SYBU: variants seen among roughly 807,000 people sequenced by gnomAD.
SYBU encodes GOLSYN A protein.
A neutral mutation model predicts 35.9 loss-of-function variants in SYBU; 21 were observed. That is an observed-to-expected ratio of 0.58 (90% CI 0.41 to 0.84). The LOEUF is 0.84. Among genes scored for constraint, SYBU ranks in the 40% least tolerant of loss-of-function variants. The pLI, the probability that SYBU is intolerant of heterozygous loss-of-function variation, is 0.00. For synonymous variants in SYBU, 319 were observed against 324.3 expected, an observed-to-expected ratio of 0.98 and a Z score of 0.18; for missense variants, 768 against 848.2, an observed-to-expected ratio of 0.91 and a Z score of 1.17.
chr8:109,674,494 G>C (rs918399225), intron 1 of SYBU, among the ~76,000 whole-genome samples: 11 of 152,118 alleles, frequency 7.2e-5, no homozygotes, highest in Non-Finnish European at 1.6e-4. Flanking sequence ...CTGAGATTTT[G>C]TCACCACCAG....
At chr8:109,639,883 TA>T (rs1245923150) in intron 2 of SYBU, among the ~76,000 whole-genome samples, 1 of 152,034 alleles carries the variant, frequency 6.6e-6, no homozygotes, top group Non-Finnish European at 1.5e-5. Flanking sequence ...ACCGGCCTCC[TA>T]AAGCATCATT....
chr8:109,650,030 C>A (rs1816055356), intron 1 of SYBU, among the ~76,000 whole-genome samples: 1 of 152,104 alleles, frequency 6.6e-6, no homozygotes, highest in African/African-American at 2.4e-5. Flanking sequence ...AATAGAGAAG[C>A]ACCTTCCTTC....
At chr8:109,606,311 A>G (rs1277478767) in intron 3 of SYBU, among the ~76,000 whole-genome samples, 1 of 152,232 alleles carries the variant, frequency 6.6e-6, no homozygotes, top group Non-Finnish European at 1.5e-5. Flanking sequence ...ATCACAATAC[A>G]ATAGAAGTTA....
chr8:109,580,462 AC>A, intron 4 of SYBU: 1 of 168,586 alleles, frequency 5.9e-6, no homozygotes, highest in Admixed American at 5.6e-5. Context: ...GGAAGGTGGT[AC>A]CCCATACAGG....
Position 109,575,131 on chromosome 8 carries a change from A to T in SYBU, c.1767T>A (p.Gly589=), listed in dbSNP as rs773983767. Reference sequence around the variant, plus strand: ...CGCCCCCGCGAGCCAGTGGGATGACACCATCCAACCTCTCTTCCACGCAGG... The same window carrying T: ...CGCCCCCGCGAGCCAGTGGGATGACTCCATCCAACCTCTCTTCCACGCAGG... ...FAACVEERLD[G]VIPLARGGVV... is the part of the protein sequence containing the mutation. Residue 589 remains glycine, a synonymous_variant, in exon 7 of 7, where the codon GGT becomes GGA. Coordinates refer to ENST00000276646, the MANE Select transcript of SYBU (RefSeq NM_001099754.2). The T allele has an allele frequency of 5.0e-6, 8 of 1,614,088 alleles. No individual in the cohort carries two copies. In the East Asian group the frequency reaches 1.8e-4, roughly 36 times the overall value.
Position 109,584,874 on chromosome 8 carries a change from G to T in SYBU, c.530+1186C>A, listed in dbSNP as rs1032644750. ...AGTCACACAGTACAACTGTCTTTTG[G>T]ATACCGTGGCCCAGGGGAATCAAGT... is the stretch of plus-strand genomic sequence containing the variant. On this transcript the variant is annotated intron_variant, in intron 4 of 6. Transcript: ENST00000276646. The surrounding 1 kb of genome is among the most constrained non-coding windows in gnomAD (Gnocchi z 4.0). Among the ~76,000 whole-genome samples, 11 of 152,036 alleles carry T rather than the reference G, an allele frequency of 7.2e-5. No individual in the cohort carries two copies. Among genetic ancestry groups the T allele is most frequent in the Admixed American group, 3.9e-4 (6 of 15,260 alleles).
At chr8:109,615,502 G>A (rs141980308) in intron 3 of SYBU, among the ~76,000 whole-genome samples, 197 of 152,170 alleles carry the variant, frequency 1.3e-3, no homozygotes, top group Non-Finnish European at 1.8e-3. Context: ...TATAGGTCAC[G>A]GTGCAGATTT....
At chr8:109,690,765 A>C (rs556720725) in intron 1 of SYBU, among the ~76,000 whole-genome samples, 27 of 152,318 alleles carry the variant, frequency 1.8e-4, no homozygotes, top group African/African-American at 6.5e-4. Flanking sequence ...TGAGCTCATC[A>C]ACGTAGCCCT....
At chr8:109,681,450 T>G (rs751362739), upstream of SYBU, among the ~76,000 whole-genome samples, 2 of 152,208 alleles carry the variant, frequency 1.3e-5, no homozygotes, top group African/African-American at 2.4e-5. Context: ...TTTCAAATTA[T>G]GTTTAATATT....
chr8:109,663,665 G>A (rs902813164), intron 1 of SYBU, among the ~76,000 whole-genome samples: 1 of 151,616 alleles, frequency 6.6e-6, no homozygotes, highest in African/African-American at 2.4e-5. Context: ...CTTACCCCTA[G>A]TACATTTTTT....
Position 109,575,316 on chromosome 8 carries a change from A to C in SYBU, c.1582T>G (p.Ser528Ala), listed in dbSNP as rs1372390593. 6.2e-7 allele frequency: 1 copy of C among 1,614,180 alleles called. No homozygotes were observed. Among genetic ancestry groups the C allele is most frequent in the East Asian group, 2.2e-5 (1 of 44,870 alleles). ...AGGGACTCTGGGAAGCTCTCCATCGAGTCTGGTTCAGACTCATCAGGGGAC... is the reference window on the plus strand; with the variant it reads ...AGGGACTCTGGGAAGCTCTCCATCGCGTCTGGTTCAGACTCATCAGGGGAC... ...LASPDESEPDSMESFPESLSA... is the reference protein window; with the variant it reads ...LASPDESEPDAMESFPESLSA... The change falls in exon 7 of 7, where the codon TCG becomes GCG. Residue 528 changes from serine to alanine, a missense_variant. Physicochemically the swap from Ser to Ala is moderately conservative, Grantham distance 99. Coordinates refer to ENST00000276646, the MANE Select transcript of SYBU (RefSeq NM_001099754.2).
At chr8:109,594,218 T>C (rs1824607634) in intron 3 of SYBU, among the ~76,000 whole-genome samples, 1 of 151,116 alleles carries the variant, frequency 6.6e-6, no homozygotes, top group African/African-American at 2.4e-5. Flanking sequence ...AGGAAGGAGG[T>C]GATGAAGGAC....
chr8:109,679,813 T>C (rs1172261686), intron 1 of SYBU, among the ~76,000 whole-genome samples: 1 of 152,206 alleles, frequency 6.6e-6, no homozygotes, highest in Admixed American at 6.5e-5. Context: ...CTTTCCCCTC[T>C]TGCTGAGGTG....
chr8:109,591,580 C>G (rs573822543), intron 3 of SYBU, among the ~76,000 whole-genome samples: 14 of 133,052 alleles, frequency 1.1e-4, no homozygotes, highest in Admixed American at 4.2e-4. Context: ...GGCGCAATCT[C>G]GGCTCACTGC....
chr8:109,579,795 T>C lies in SYBU; in HGVS notation c.734+4A>G. On this transcript the variant is annotated splice_donor_region_variant and intron_variant, in intron 5 of 6. Transcript: ENST00000276646. Reference sequence around the variant, plus strand: ...GATGCATGAATTAGGTGAGCAGGACTCACCTCATGATGGGGCTACAGTCGC... The same window carrying C: ...GATGCATGAATTAGGTGAGCAGGACCCACCTCATGATGGGGCTACAGTCGC... The C allele has an allele frequency of 6.2e-7, 1 of 1,613,638 alleles. No individual in the cohort carries two copies. The highest frequency in any genetic ancestry group is 1.1e-5 in the South Asian group (1 of 91,064).
chr8:109,597,097 G>T (rs1331575686), intron 3 of SYBU, among the ~76,000 whole-genome samples: 2 of 152,152 alleles, frequency 1.3e-5, no homozygotes, highest in African/African-American at 4.8e-5. Flanking sequence ...CAAAGATCAG[G>T]AATTACGTGA....
At chr8:109,663,794 CT>C (rs1816660202) in intron 1 of SYBU, among the ~76,000 whole-genome samples, 1 of 151,946 alleles carries the variant, frequency 6.6e-6, no homozygotes, top group African/African-American at 2.4e-5. Context: ...TATTTTTTGG[CT>C]TTGCTTATTG....
Position 109,586,060 on chromosome 8 carries a change from T to C in SYBU, c.530A>G (p.Asn177Ser). ...TTACAGAGCAGGAGATGGTGCCTAC[T>C]TGCGTGAAGAAGAAGACCGCTTGCT... ...AGSKRSSSSR[N>S]RGPHGRSNGA... The change falls in exon 4 of 7, where the codon AAT becomes AGT. Residue 177 changes from asparagine (N) to serine (S), a missense_variant and splice_region_variant. Coordinates refer to ENST00000276646, the MANE Select transcript of SYBU (RefSeq NM_001099754.2). 6.2e-7 allele frequency: 1 copy of C among 1,606,432 alleles called. No individual in the cohort carries two copies. Among genetic ancestry groups the C allele is most frequent in the African/African-American group, 1.3e-5 (1 of 74,972 alleles).
intron 2 of SYBU, 146 bp downstream of exon 2, chr8:109,642,582 A>G (rs1815032023): frequency 1.5e-5 from 7 of 465,584 alleles, no homozygotes; most frequent in Non-Finnish European, 2.5e-5. Context: ...GTAGGTCACA[A>G]CAGCCAGAAA....
Sources: gnomAD v4.1 joint callset for allele counts (sites outside exome capture counted in the v4.1 genomes callset) on GRCh38, gnomAD v4.1.1 for gene constraint, Gnocchi (gnomAD v3.1) non-coding constraint, MANE v1.5 for transcripts, NCBI Gene and HGNC (gene_info 2026-07-23, HGNC 2026-07-21) for gene names.